The following NOX3 variants were observed in gnomAD, a reference collection of about 807,000 sequenced individuals.
NOX3 encodes the protein NADPH oxidase catalytic subunit-like 3.
In NOX3, 74 loss-of-function variants were observed where a neutral mutation model predicts 76.7. That is an observed-to-expected ratio of 0.96 (90% CI 0.80 to 1.17). NOX3 has a LOEUF of 1.17. Among genes scored for constraint, NOX3 ranks in the 50% most tolerant of loss-of-function variants. The pLI is 0.00. For synonymous variants in NOX3, 263 were observed against 261.1 expected (o/e 1.01, Z -0.07); for missense variants, 695 against 703.3 (o/e 0.99, Z 0.13).
intron 11 of NOX3, among the ~76,000 whole-genome samples, chr6:155,407,574 A>G (rs1776480818): frequency 6.6e-6 from 1 of 152,250 alleles, no homozygotes; most frequent in Admixed American, 6.5e-5. Context: ...GAAAGCAAGC[A>G]CTAAACGACT....
chr6:155,427,028 T>TGTGCGCGC (rs796489805), intron 9 of NOX3, among the ~76,000 whole-genome samples: 3 of 121,788 alleles, frequency 2.5e-5, no homozygotes, highest in African/African-American at 9.9e-5. Flanking sequence ...TGTGTGTGTG[T>TGTGCGCGC]GCTGGGGGGG....
At chr6:155,446,155 C>T (rs1166835372) in intron 4 of NOX3, among the ~76,000 whole-genome samples, 2 of 151,674 alleles carry the variant, frequency 1.3e-5, no homozygotes, top group Non-Finnish European at 2.9e-5. Context: ...TTAGCACCCA[C>T]GAAGTACTAT....
rs143810836 is a variant in NOX3 at position 155,439,685 on chromosome 6, C to T, written c.668+271G>A. ...ACTGAATGAAACATAGATCTACTGT[C>T]ATCCTGCATTCATTAGGATTCCTGA... On this transcript the variant is annotated intron_variant, in intron 6 of 13. Transcript: ENST00000159060. Among the ~76,000 whole-genome samples the T allele has an allele frequency of 2.8e-3, 428 of 152,280 alleles. 3 individuals are homozygous for T. Among genetic ancestry groups the T allele is most frequent in the Non-Finnish European group, 5.0e-3 (342 of 68,030 alleles).
intron 6 of NOX3, among the ~76,000 whole-genome samples, chr6:155,439,513 C>T (rs1776953032): frequency 1.3e-5 from 2 of 152,142 alleles, no homozygotes; most frequent in African/African-American, 2.4e-5. Context: ...TGCTTCTGGA[C>T]CCCACACCAG....
Position 155,436,334 on chromosome 6 carries a change from G to A in NOX3, c.798+84C>T. ...TTGGCTTTGTCTAGTGGTGAAATGTGCTTTCTTTTTTCCAAGCCTATAAAA... is the reference window on the plus strand; with the variant it reads ...TTGGCTTTGTCTAGTGGTGAAATGTACTTTCTTTTTTCCAAGCCTATAAAA... On this transcript the variant is annotated intron_variant, in intron 7 of 13. Coordinates refer to ENST00000159060, the MANE Select transcript of NOX3 (RefSeq NM_015718.3). The A allele has an allele frequency of 2.7e-6, 4 of 1,488,594 alleles. No homozygotes were observed. The Admixed American group carries it at 5.2e-5, about 19-fold the overall frequency. The allele number at this position is 1,488,594 out of a possible 1,614,324, so 92.2% of individuals were successfully genotyped here.
intron 12 of NOX3, among the ~76,000 whole-genome samples, chr6:155,400,637 C>T (rs1779210306): frequency 2.6e-5 from 3 of 115,606 alleles, no homozygotes; most frequent in South Asian, 3.8e-4. Flanking sequence ...ATTGTGCTGG[C>T]CAGCTTTTTT....
chr6:155,429,763 T>C (rs1243893677), intron 8 of NOX3, among the ~76,000 whole-genome samples: 2 of 152,222 alleles, frequency 1.3e-5, no homozygotes, highest in African/African-American at 2.4e-5. Flanking sequence ...TGTCTTCTTT[T>C]GTGACAAGAG....
intron 10 of NOX3, among the ~76,000 whole-genome samples, chr6:155,416,192 C>T (rs533514537): frequency 6.6e-5 from 10 of 152,322 alleles, no homozygotes; most frequent in South Asian, 4.1e-4. Context: ...CTGGGCAGCA[C>T]GCCTCTGTAC....
rs764029957 is a variant in NOX3, at chr6:155,426,984, C to CGTGTGTGTGTGTGTGTGTGT, written c.1145+1790_1145+1809dup. 6.2e-4 allele frequency among the ~76,000 whole-genome samples: 26 copies of CGTGTGTGTGTGTGTGTGTGT among 41,916 alleles called. 4 individuals carry two copies. In the East Asian group the frequency reaches 0.013, roughly 21 times the overall value. The allele number at this position is 41,916 out of a possible 152,430, so 27.5% of individuals were successfully genotyped here. A position where few individuals can be genotyped will look rare whatever the true frequency, so the allele number is the denominator to read the frequency against. ...CCGAGAAAGCAGTTAGACACTGTGGCGTGTGTGTGTGTGTGTGTGTGTGTG... is the reference window on the plus strand; with the variant it reads ...CCGAGAAAGCAGTTAGACACTGTGGCGTGTGTGTGTGTGTGTGTGTGTGTGTGTGTGTGTGTGTGTGTGTG... On this transcript the variant is annotated intron_variant, in intron 9 of 13. Coordinates refer to ENST00000159060, the MANE Select transcript of NOX3 (RefSeq NM_015718.3).
chr6:155,417,265 G>A lies in NOX3; in HGVS notation c.1308+5429C>T, dbSNP rs1776632989. On this transcript the variant is annotated intron_variant, in intron 10 of 13. Coordinates refer to ENST00000159060, the MANE Select transcript of NOX3 (RefSeq NM_015718.3). ...TATGCATGAATGTGTATAGGTATAT[G>A]CATATAAATGCATGGAAAAGGAATG... is the stretch of plus-strand genomic sequence containing the variant. 2.6e-5 allele frequency among the ~76,000 whole-genome samples: 4 copies of A among 152,272 alleles called. No homozygotes were observed. The South Asian group carries it at 6.2e-4, about 24-fold the overall frequency.
chr6:155,405,795 C>A (rs188042635), intron 12 of NOX3, among the ~76,000 whole-genome samples: 57 of 152,314 alleles, frequency 3.7e-4, no homozygotes, highest in South Asian at 8.3e-4. Flanking sequence ...CAAACTGCCA[C>A]CACTGCTGAA....
At chr6:155,415,275 A>G (rs191669206) in intron 10 of NOX3, among the ~76,000 whole-genome samples, 5 of 152,330 alleles carry the variant, frequency 3.3e-5, no homozygotes, top group East Asian at 1.9e-4. Context: ...GTTTCAGAAA[A>G]TGAATTGAGA....
intron 6 of NOX3, among the ~76,000 whole-genome samples, chr6:155,438,112 G>T (rs933191794): frequency 2.0e-5 from 3 of 151,830 alleles, no homozygotes; most frequent in Non-Finnish European, 4.4e-5. Flanking sequence ...TGTTTAGGGG[G>T]GTAAGCACAT....
intron 10 of NOX3, among the ~76,000 whole-genome samples, chr6:155,417,487 C>T (rs991012184): frequency 3.2e-4 from 48 of 152,254 alleles, no homozygotes; most frequent in African/African-American, 1.1e-3. Context: ...TGGTCACTTC[C>T]GCACAGAGCA....
At chr6:155,403,248 A>G (rs923851024) in intron 12 of NOX3, among the ~76,000 whole-genome samples, 27 of 152,228 alleles carry the variant, frequency 1.8e-4, no homozygotes, top group African/African-American at 6.5e-4. Flanking sequence ...ACAGCAGAAA[A>G]CAAAATTATT....
chr6:155,437,161 G>A (rs1036783150), intron 6 of NOX3, among the ~76,000 whole-genome samples: 3 of 152,178 alleles, frequency 2.0e-5, no homozygotes, highest in African/African-American at 4.8e-5. Context: ...AGCACTGGAC[G>A]AAGAGTCCTA....
intron 9 of NOX3, among the ~76,000 whole-genome samples, chr6:155,423,984 G>A (rs989711438): frequency 1.6e-4 from 25 of 151,908 alleles, no homozygotes; most frequent in South Asian, 4.2e-4. Context: ...CTCATGATCC[G>A]CTCACCTCGG....
chr6:155,410,316 T>C (rs1022448589), intron 11 of NOX3, among the ~76,000 whole-genome samples: 4 of 152,120 alleles, frequency 2.6e-5, no homozygotes, highest in East Asian at 1.9e-4. Flanking sequence ...TGTGTGTGTG[T>C]GTGCGCACGC....
intron 11 of NOX3, among the ~76,000 whole-genome samples, chr6:155,410,688 C>T (rs79639872): frequency 6.6e-4 from 101 of 152,274 alleles, no homozygotes; most frequent in African/African-American, 2.2e-3. Flanking sequence ...AATAAACATA[C>T]GTGCACACAA....
Sources: gnomAD v4.1 joint callset for allele counts (sites outside exome capture counted in the v4.1 genomes callset) on GRCh38, gnomAD v4.1.1 for gene constraint, MANE v1.5 for transcripts, NCBI Gene and HGNC (gene_info 2026-07-23, HGNC 2026-07-21) for gene names.